Variants in DTNBP1 observed in about 807,000 individuals in gnomAD.
The protein encoded by DTNBP1 is dystrobrevin binding protein 1, also known as dysbindin.
In DTNBP1, 35 loss-of-function variants were observed where a neutral mutation model predicts 42.8. That is an observed-to-expected ratio of 0.82 (90% CI 0.63 to 1.09). DTNBP1 has a LOEUF of 1.09. Among genes scored for constraint, DTNBP1 ranks in the 50% least tolerant of loss-of-function variants. DTNBP1 has a pLI of 0.00. For missense variants in DTNBP1, 457 were observed against 424.2 expected, an observed-to-expected ratio of 1.08 and a Z score of -0.68; for synonymous variants, 171 against 162.2, an observed-to-expected ratio of 1.05 and a Z score of -0.41.
Position 15,524,540 on chromosome 6 carries a change from A to G in DTNBP1, c.797T>C (p.Leu266Pro), listed in dbSNP as rs1159969637. ...GTCAACCCTACCTAAGGCGGGGGACAGCACAGTGTTCTCTTCTCCTCCAGA... is the reference window on the plus strand; with the variant it reads ...GTCAACCCTACCTAAGGCGGGGGACGGCACAGTGTTCTCTTCTCCTCCAGA... ...LNSGGEENTV[L>P]SPALGPESST... Residue 266 changes from leucine to proline, a missense_variant, in exon 9 of 10, where the codon CTG becomes CCG. Physicochemically the swap from Leu to Pro is moderately conservative, Grantham distance 98. Coordinates refer to ENST00000344537, the MANE Select transcript of DTNBP1 (RefSeq NM_032122.5). 1.2e-6 allele frequency: 2 copies of G among 1,608,914 alleles called. No homozygotes were observed. Among genetic ancestry groups the G allele is most frequent in the South Asian group, 2.2e-5 (2 of 90,444 alleles).
chr6:15,600,667 A>G (rs1776693999), intron 6 of DTNBP1, among the ~76,000 whole-genome samples: 1 of 152,216 alleles, frequency 6.6e-6, no homozygotes, highest in Non-Finnish European at 1.5e-5. Context: ...GAAGACAGAA[A>G]GGCAAGGACA....
At chr6:15,588,688 C>T (rs979261229) in intron 7 of DTNBP1, among the ~76,000 whole-genome samples, 1 of 152,194 alleles carries the variant, frequency 6.6e-6, no homozygotes, top group African/African-American at 2.4e-5. Context: ...ATCACTTCAC[C>T]CCACACACCA....
intron 6 of DTNBP1, chr6:15,595,086 C>G (rs867065758): frequency 4.4e-6 from 2 of 456,212 alleles, no homozygotes; most frequent in Middle Eastern, 3.3e-4. Flanking sequence ...TGGGCATCCT[C>G]TGTCACACAG....
Position 15,652,149 on chromosome 6 carries a change from C to A in DTNBP1, c.57-9G>T. ...CACTTAAAGTCTTCAGCCTATAATT[C>A]AATATAAAATATAATATTTTTACAA... On this transcript the variant is annotated splice_polypyrimidine_tract_variant and intron_variant, in intron 1 of 9. Coordinates refer to ENST00000344537, the MANE Select transcript of DTNBP1 (RefSeq NM_032122.5). 1.9e-6 allele frequency: 3 copies of A among 1,581,872 alleles called. No homozygotes were observed. Among genetic ancestry groups the A allele is most frequent in the Non-Finnish European group, 2.6e-6 (3 of 1,157,916 alleles).
intron 7 of DTNBP1, among the ~76,000 whole-genome samples, chr6:15,556,656 G>A (rs975368298): frequency 6.6e-6 from 1 of 152,168 alleles, no homozygotes; most frequent in Non-Finnish European, 1.5e-5. Context: ...GCAGCCACCT[G>A]AACTTTTGAT....
chr6:15,599,365 T>C (rs996867980), intron 6 of DTNBP1, among the ~76,000 whole-genome samples: 16 of 152,182 alleles, frequency 1.1e-4, no homozygotes, highest in Non-Finnish European at 2.1e-4. Context: ...AAAATGGGGC[T>C]TGAGGATGGA....
chr6:15,647,247 T>A (rs1760742296), intron 3 of DTNBP1, among the ~76,000 whole-genome samples: 2 of 151,754 alleles, frequency 1.3e-5, no homozygotes, highest in South Asian at 4.1e-4. Flanking sequence ...ATGAAAAAAA[T>A]GCTCAGCATC....
chr6:15,662,236 C>T (rs1245215988), intron 1 of DTNBP1, among the ~76,000 whole-genome samples: 1 of 152,242 alleles, frequency 6.6e-6, no homozygotes, highest in Non-Finnish European at 1.5e-5. Context: ...GAGCTCACGG[C>T]AAAGGTAGAG....
chr6:15,549,440 G>A (rs568587095), intron 7 of DTNBP1, among the ~76,000 whole-genome samples: 6 of 144,722 alleles, frequency 4.1e-5, no homozygotes, highest in Non-Finnish European at 5.9e-5. Context: ...AGCCGAGACC[G>A]CGCCATTGCA....
At chr6:15,613,369 T>TC (rs1758537809) in intron 6 of DTNBP1, among the ~76,000 whole-genome samples, 2 of 124,526 alleles carry the variant, frequency 1.6e-5, no homozygotes, top group Non-Finnish European at 3.5e-5. Flanking sequence ...TTTTTTTTTT[T>TC]TTTTTTTTTT....
chr6:15,568,170 T>C (rs1188366160), intron 7 of DTNBP1, among the ~76,000 whole-genome samples: 3 of 152,180 alleles, frequency 2.0e-5, no homozygotes, highest in Admixed American at 2.0e-4. Flanking sequence ...GTATCTTCTG[T>C]ATACCTGGAA....
intron 3 of DTNBP1, among the ~76,000 whole-genome samples, chr6:15,639,683 C>T (rs1036796142): frequency 6.6e-6 from 1 of 152,218 alleles, no homozygotes; most frequent in African/African-American, 2.4e-5. Flanking sequence ...ATGCTAAGCA[C>T]TGTTAGGCAC....
At chr6:15,591,686 A>C (rs1581368828) in intron 7 of DTNBP1, among the ~76,000 whole-genome samples, 1 of 152,306 alleles carries the variant, frequency 6.6e-6, no homozygotes, top group East Asian at 1.9e-4. Context: ...TTTTCTCTGA[A>C]TATTGTCACA....
chr6:15,586,259 C>T (rs1776075792), intron 7 of DTNBP1, among the ~76,000 whole-genome samples: 3 of 152,114 alleles, frequency 2.0e-5, no homozygotes, highest in Admixed American at 2.0e-4. Context: ...TAGCATTAGC[C>T]TAAAGGTTTT....
At chr6:15,650,360 C>G (rs1450130969) in intron 3 of DTNBP1, among the ~76,000 whole-genome samples, 2 of 152,030 alleles carry the variant, frequency 1.3e-5, no homozygotes, top group African/African-American at 2.4e-5. Context: ...GCAACCCCTG[C>G]CGAGATCGCA....
chr6:15,574,803 T>C (rs1775494983), intron 7 of DTNBP1, among the ~76,000 whole-genome samples: 1 of 152,188 alleles, frequency 6.6e-6, no homozygotes, highest in South Asian at 2.1e-4. Flanking sequence ...GGTAGGACCC[T>C]CTAATATTTC....
intron 6 of DTNBP1, among the ~76,000 whole-genome samples, chr6:15,606,257 T>G (rs1758044045): frequency 6.6e-6 from 1 of 152,252 alleles, no homozygotes; most frequent in Non-Finnish European, 1.5e-5. Flanking sequence ...GTCCTGTTTT[T>G]GTAGGGGCAG....
chr6:15,554,273 G>A (rs1774388736), intron 7 of DTNBP1, among the ~76,000 whole-genome samples: 1 of 151,950 alleles, frequency 6.6e-6, no homozygotes, highest in Non-Finnish European at 1.5e-5. Context: ...ATTTGAGATA[G>A]AGTCTCACTA....
At chr6:15,571,645 G>A (rs1775344154) in intron 7 of DTNBP1, among the ~76,000 whole-genome samples, 1 of 152,146 alleles carries the variant, frequency 6.6e-6, no homozygotes, top group Non-Finnish European at 1.5e-5. Context: ...TTCACTTCTG[G>A]CAGGCCTCCA....
Sources: allele counts gnomAD v4.1 joint callset (sites outside exome capture counted in the v4.1 genomes callset), GRCh38; gene constraint gnomAD v4.1.1; transcripts MANE v1.5; gene names NCBI Gene and HGNC (gene_info 2026-07-23, HGNC 2026-07-21).